NEK1: variants seen among roughly 807,000 people sequenced by gnomAD.
NEK1 encodes NIMA related kinase 1.
NEK1 carries 137 observed loss-of-function variants against 182.1 expected under a neutral mutation model. The observed-to-expected ratio is 0.75, with a 90% CI of 0.65 to 0.87. The LOEUF is 0.87. Ranked by LOEUF, NEK1 falls within the 40% of genes least tolerant of loss-of-function variation. The pLI, the probability that NEK1 is intolerant of heterozygous loss-of-function variation, is 0.00. For missense variants in NEK1, 1,391 were observed against 1,494.4 expected (o/e 0.93, Z 1.14); for synonymous variants, 513 against 492.2 (o/e 1.04, Z -0.56).
intron 2 of NEK1, among the ~76,000 whole-genome samples, chr4:169,608,097 G>C (rs1328556277): frequency 2.3e-5 from 3 of 128,758 alleles, no homozygotes; most frequent in Non-Finnish European, 4.9e-5. Context: ...TGATTTTAAA[G>C]TTCAGACACA....
At chr4:169,580,625 C>T (rs1766478887) in intron 11 of NEK1, among the ~76,000 whole-genome samples, 1 of 151,290 alleles carries the variant, frequency 6.6e-6, no homozygotes, top group Non-Finnish European at 1.5e-5. Context: ...GATTTCAAGC[C>T]AGATTTCATT....
chr4:169,551,573 A>G (rs541103991), intron 18 of NEK1, among the ~76,000 whole-genome samples: 1 of 152,322 alleles, frequency 6.6e-6, no homozygotes, highest in Admixed American at 6.5e-5. Context: ...TGGTAAGAAC[A>G]CTAAATTTAA....
At chr4:169,579,261 T>TA in intron 11 of NEK1, among the ~76,000 whole-genome samples, 1 of 152,216 alleles carries the variant, frequency 6.6e-6, no homozygotes, top group Non-Finnish European at 1.5e-5. Flanking sequence ...CAAATGCTCT[T>TA]ACGACAAATT....
At chr4:169,481,707 C>T (rs1306683184) in intron 23 of NEK1, among the ~76,000 whole-genome samples, 1 of 152,052 alleles carries the variant, frequency 6.6e-6, no homozygotes, top group African/African-American at 2.4e-5. Context: ...TTATAGAACA[C>T]AAATAGAATA....
intron 27 of NEK1, among the ~76,000 whole-genome samples, chr4:169,450,569 C>A (rs761166213): frequency 1.3e-5 from 2 of 152,130 alleles, no homozygotes; most frequent in East Asian, 3.8e-4. Context: ...ATTTGATATC[C>A]AGCCAAACTA....
chr4:169,514,988 A>G (rs1046929659), intron 19 of NEK1, among the ~76,000 whole-genome samples: 1 of 152,138 alleles, frequency 6.6e-6, no homozygotes, highest in Non-Finnish European at 1.5e-5. Flanking sequence ...TTTCCCTCAC[A>G]GAAGTGCTTC....
chr4:169,495,769 C>T (rs1286703537), intron 23 of NEK1, among the ~76,000 whole-genome samples: 1 of 152,118 alleles, frequency 6.6e-6, no homozygotes, highest in Non-Finnish European at 1.5e-5. Context: ...TATACCTCTG[C>T]TTTGGTACCA....
chr4:169,602,645 G>A lies in NEK1; in HGVS notation c.-15C>T, dbSNP rs746938987. ...TACTTCTCCATGATTCTTTTTCTAA[G>A]GCATCTTTACAGATATGCTAGACAT... On this transcript the variant is annotated 5_prime_UTR_variant, in exon 3 of 36. Transcript: ENST00000507142. 8 of 1,419,218 alleles carry A rather than the reference G, an allele frequency of 5.6e-6. No homozygotes were observed. The highest frequency in any genetic ancestry group is 8.0e-6 in the Non-Finnish European group (8 of 1,006,060). 87.9% of individuals were successfully genotyped at this position (1,419,218 alleles called of 1,614,324 possible).
chr4:169,568,311 G>A (rs1296271871), intron 12 of NEK1, among the ~76,000 whole-genome samples: 1 of 152,078 alleles, frequency 6.6e-6, no homozygotes, highest in Non-Finnish European at 1.5e-5. Context: ...CATTAAAATG[G>A]ATTACATTTG....
chr4:169,410,200 T>C (rs1382557248), intron 31 of NEK1, among the ~76,000 whole-genome samples: 1 of 152,220 alleles, frequency 6.6e-6, no homozygotes, highest in African/African-American at 2.4e-5. Context: ...ACAGTATTTT[T>C]TTTTTCAAGA....
Position 169,430,465 on chromosome 4 carries a change from G to A in NEK1, c.2885+3080C>T, listed in dbSNP as rs371455291. On this transcript the variant is annotated intron_variant, in intron 29 of 35. Coordinates refer to ENST00000507142, the MANE Select transcript of NEK1 (RefSeq NM_001199397.3). ...CTCTCAAAGTGCTGGGATTACAGGT[G>A]TAAGCCACTGGGCACATACTGCTAA... is the stretch of plus-strand genomic sequence containing the variant. 2.0e-4 allele frequency among the ~76,000 whole-genome samples: 30 copies of A among 152,292 alleles called. 1 individual carries two copies. The South Asian group carries it at 6.2e-3, about 32-fold the overall frequency.
intron 27 of NEK1, among the ~76,000 whole-genome samples, chr4:169,461,518 T>A (rs1743966996): frequency 6.6e-6 from 1 of 152,176 alleles, no homozygotes; most frequent in Non-Finnish European, 1.5e-5. Context: ...AAAGTAAAGC[T>A]ACCTCAGCTG....
At chr4:169,426,725 G>A (rs1040482962) in intron 29 of NEK1, among the ~76,000 whole-genome samples, 1 of 152,148 alleles carries the variant, frequency 6.6e-6, no homozygotes, top group Non-Finnish European at 1.5e-5. Context: ...GGAATATCAT[G>A]CAGCTGTTAA....
intron 19 of NEK1, among the ~76,000 whole-genome samples, chr4:169,511,468 AG>A (rs1371024564): frequency 6.6e-6 from 1 of 152,126 alleles, no homozygotes; most frequent in Non-Finnish European, 1.5e-5. Context: ...GAGAAATGCA[AG>A]AATCTGAGTT....
chr4:169,504,717 T>C (rs1218982763), intron 23 of NEK1, among the ~76,000 whole-genome samples: 2 of 152,144 alleles, frequency 1.3e-5, no homozygotes, highest in African/African-American at 4.8e-5. Flanking sequence ...GGAACATGAT[T>C]GTTATCAAAA....
intron 23 of NEK1, among the ~76,000 whole-genome samples, chr4:169,500,901 CG>C (rs1363833668): frequency 2.0e-5 from 3 of 152,168 alleles, no homozygotes; most frequent in Non-Finnish European, 4.4e-5. Flanking sequence ...GAAAACCTCA[CG>C]TATCAGTATT....
At chr4:169,541,400 C>T (rs1029576157) in intron 18 of NEK1, among the ~76,000 whole-genome samples, 5 of 152,004 alleles carry the variant, frequency 3.3e-5, no homozygotes, top group South Asian at 2.1e-4. Context: ...ATTAAAAATC[C>T]TAACAGAAGA....
chr4:169,582,235 C>CA (rs148319992), intron 10 of NEK1, among the ~76,000 whole-genome samples: 10,789 of 148,904 alleles, frequency 0.072, 1,255 homozygotes, highest in African/African-American at 0.25. Context: ...CTCCAATAGG[C>CA]AAAAAAAAAT....
intron 13 of NEK1, 110 bp from the exon 14 acceptor site, chr4:169,562,001 T>TAAAAAAAA: frequency 1.1e-6 from 1 of 929,432 alleles, no homozygotes; most frequent in Non-Finnish European, 1.5e-6. Flanking sequence ...GGTTTTTTTT[T>TAAAAAAAA]TAAAAAAAAA....
Sources: allele counts gnomAD v4.1 joint callset (sites outside exome capture counted in the v4.1 genomes callset), GRCh38; gene constraint gnomAD v4.1.1; transcripts MANE v1.5; gene names NCBI Gene and HGNC (gene_info 2026-07-23, HGNC 2026-07-21).